MECOM: variants seen among roughly 807,000 people sequenced by gnomAD.
The protein encoded by MECOM is histone-lysine N-methyltransferase MECOM.
MECOM carries 13 observed loss-of-function variants against 116.3 expected under a neutral mutation model. The observed-to-expected ratio is 0.11, with a 90% CI of 0.07 to 0.18. The LOEUF (loss-of-function observed/expected upper bound fraction) is 0.18, where lower values mean the gene tolerates loss of function less well. Ranked by LOEUF, MECOM falls within the 10% of genes least tolerant of loss-of-function variation. MECOM has a pLI of 1.00. For missense variants in MECOM, 1,299 were observed against 1,509.0 expected, an observed-to-expected ratio of 0.86 and a Z score of 2.31; for synonymous variants, 528 against 535.2, an observed-to-expected ratio of 0.99 and a Z score of 0.19.
At chr3:169,261,745 A>AGGAGAAAAG (rs1553783512) in intron 2 of MECOM, among the ~76,000 whole-genome samples, 7,883 of 150,162 alleles carry the variant, frequency 0.052, 507 homozygotes, top group African/African-American at 0.15. Flanking sequence ...GAGAAGGAGA[A>AGGAGAAAAG]AAGAAGAAGA....
At chr3:169,527,985 T>G (rs12493121) in intron 1 of MECOM, among the ~76,000 whole-genome samples, 2,803 of 152,184 alleles carry the variant, frequency 0.018, 30 homozygotes, top group Middle Eastern at 0.038. Flanking sequence ...TGGGTTGACT[T>G]TGGCGGCTGC....
intron 1 of MECOM, among the ~76,000 whole-genome samples, chr3:169,534,184 A>T (rs1759029555): frequency 6.6e-6 from 1 of 152,096 alleles, no homozygotes; most frequent in East Asian, 1.9e-4. Flanking sequence ...TCTTTTGTTA[A>T]TCTGTATACT....
chr3:169,550,674 C>T (rs1436268567), intron 1 of MECOM, among the ~76,000 whole-genome samples: 2 of 152,160 alleles, frequency 1.3e-5, no homozygotes, highest in Non-Finnish European at 2.9e-5. Flanking sequence ...ATTATATATA[C>T]GATTTGCCAC....
At chr3:169,144,736 T>C (rs903374048) in intron 2 of MECOM, among the ~76,000 whole-genome samples, 1 of 152,156 alleles carries the variant, frequency 6.6e-6, no homozygotes, top group Non-Finnish European at 1.5e-5. Context: ...TTAAAAGCTG[T>C]AGAGTTGTTG....
intron 2 of MECOM, among the ~76,000 whole-genome samples, chr3:169,164,256 G>C (rs1393304320): frequency 6.6e-6 from 1 of 152,044 alleles, no homozygotes; most frequent in South Asian, 2.1e-4. Context: ...CACGAGATCT[G>C]ATAGTTTTTA....
At chr3:169,539,996 ATCC>A (rs1576783198) in intron 1 of MECOM, among the ~76,000 whole-genome samples, 2 of 152,104 alleles carry the variant, frequency 1.3e-5, no homozygotes, top group South Asian at 4.2e-4. Flanking sequence ...TCATGGCTGA[ATCC>A]TCCTCTGTTT....
chr3:169,506,707 C>T (rs1442042978), intron 1 of MECOM, among the ~76,000 whole-genome samples: 1 of 152,100 alleles, frequency 6.6e-6, no homozygotes, highest in African/African-American at 2.4e-5. Context: ...TCTGTCTTTT[C>T]CTCTTTCATC....
chr3:169,177,521 A>C lies in MECOM; in HGVS notation c.376-33689T>G, dbSNP rs534059792. On this transcript the variant is annotated intron_variant, in intron 2 of 16. Transcript: ENST00000651503. ...AGAGGACAGGTCAATAGGTGCAGCA[A>C]ACCATCATGGCACACATATACCTAT... Among the ~76,000 whole-genome samples, 186 of 152,252 alleles carry C rather than the reference A, an allele frequency of 1.2e-3. 1 individual carries two copies. Among genetic ancestry groups the C allele is most frequent in the African/African-American group, 4.2e-3 (173 of 41,558 alleles).
intron 1 of MECOM, among the ~76,000 whole-genome samples, chr3:169,471,201 A>G (rs1749171610): frequency 6.6e-6 from 1 of 152,064 alleles, no homozygotes. Flanking sequence ...CATGTTGCCC[A>G]TGCTGGTCTC....
In MECOM at chr3:169,212,239, C is replaced by G. The variant is rs548713622; in HGVS notation, c.376-68407G>C. ...TGCAGCAGCATCTCCAGGAATACCC[C>G]ACAACTGCTTCTCTCACAACAGCCA... On this transcript the variant is annotated intron_variant, in intron 2 of 16. Transcript: ENST00000651503. 1.1e-4 allele frequency among the ~76,000 whole-genome samples: 16 copies of G among 152,082 alleles called. No homozygotes were observed. The South Asian group carries it at 3.3e-3, about 32-fold the overall frequency.
At chr3:169,536,728 A>T (rs1356541744) in intron 1 of MECOM, among the ~76,000 whole-genome samples, 1 of 152,144 alleles carries the variant, frequency 6.6e-6, no homozygotes, top group East Asian at 1.9e-4. Context: ...TCATGCTTCA[A>T]GACCTCAGCT....
At chr3:169,479,900 G>A (rs1466642702) in intron 1 of MECOM, among the ~76,000 whole-genome samples, 2 of 152,156 alleles carry the variant, frequency 1.3e-5, no homozygotes, top group African/African-American at 2.4e-5. Flanking sequence ...TCACAAAAAT[G>A]TTAAGACAAA....
chr3:169,259,873 G>A (rs868825305), intron 2 of MECOM, among the ~76,000 whole-genome samples: 42 of 152,250 alleles, frequency 2.8e-4, no homozygotes, highest in African/African-American at 9.6e-4. Context: ...GAGTCTGACA[G>A]TGTGGGCTTG....
At chr3:169,314,884 T>A (rs944087533) in intron 2 of MECOM, among the ~76,000 whole-genome samples, 1 of 152,200 alleles carries the variant, frequency 6.6e-6, no homozygotes, top group African/African-American at 2.4e-5. Flanking sequence ...TTTATAGTTA[T>A]CCCTTATTCT....
intron 1 of MECOM, among the ~76,000 whole-genome samples, chr3:169,619,809 C>G (rs1039919078): frequency 2.6e-5 from 4 of 152,132 alleles, no homozygotes; most frequent in African/African-American, 9.7e-5. Context: ...AACAAACTTG[C>G]CTTCCTTTTT....
chr3:169,633,465 A>G (rs1772334249), intron 1 of MECOM, among the ~76,000 whole-genome samples: 1 of 152,192 alleles, frequency 6.6e-6, no homozygotes, highest in South Asian at 2.1e-4. Flanking sequence ...TGGGCTACTC[A>G]CTAGTCTCAC....
chr3:169,223,268 T>A (rs1752336790), intron 2 of MECOM, among the ~76,000 whole-genome samples: 1 of 84,622 alleles, frequency 1.2e-5, no homozygotes, highest in Non-Finnish European at 2.5e-5. Context: ...CCTAATGCTA[T>A]CCCTCCCCCC....
Position 169,459,709 on chromosome 3 carries a change from T to C in MECOM, c.38-78185A>G, listed in dbSNP as rs1221702127. Among the ~76,000 whole-genome samples the C allele has an allele frequency of 2.6e-5, 4 of 152,172 alleles. No individual in the cohort carries two copies. The East Asian group carries it at 5.8e-4, about 22-fold the overall frequency. ...CCTGTCCCCTGCTCCAAATCCTACA[T>C]TTGCTTATCTTTCAACTTGATTTAC... On this transcript the variant is annotated intron_variant, in intron 1 of 16. Transcript: ENST00000651503.
At chr3:169,266,144 T>A (rs2149634159) in intron 2 of MECOM, among the ~76,000 whole-genome samples, 1 of 152,262 alleles carries the variant, frequency 6.6e-6, no homozygotes, top group Middle Eastern at 3.4e-3. Context: ...TAGATCACCA[T>A]AAATAAATGG....
Sources: allele counts gnomAD v4.1 joint callset (sites outside exome capture counted in the v4.1 genomes callset), GRCh38; gene constraint gnomAD v4.1.1; transcripts MANE v1.5; gene names NCBI Gene and HGNC (gene_info 2026-07-23, HGNC 2026-07-21).